The following TNFRSF11B variants were observed in gnomAD, a reference collection of about 807,000 sequenced individuals.
TNFRSF11B encodes the protein TNF receptor superfamily member 11b.
TNFRSF11B carries 16 observed loss-of-function variants against 43.4 expected under a neutral mutation model. That is an observed-to-expected ratio of 0.37 (90% confidence interval 0.25 to 0.56). TNFRSF11B has a LOEUF of 0.56. TNFRSF11B is among the 20% of genes least tolerant of loss of function. The pLI is 0.80. For synonymous variants in TNFRSF11B, 185 were observed against 181.8 expected (o/e 1.02, Z -0.14); for missense variants, 444 against 490.1 (o/e 0.91, Z 0.89).
intron 1 of TNFRSF11B, among the ~76,000 whole-genome samples, chr8:118,939,057 A>G (rs930884946): frequency 2.0e-5 from 3 of 152,142 alleles, no homozygotes; most frequent in African/African-American, 7.2e-5. Context: ...AGTTAGCTAA[A>G]CTTCTGGTCA....
At chr8:118,939,835 C>T (rs1037693297) in intron 1 of TNFRSF11B, among the ~76,000 whole-genome samples, 1 of 151,950 alleles carries the variant, frequency 6.6e-6, no homozygotes, top group African/African-American at 2.4e-5. Flanking sequence ...TGACATTACC[C>T]AAAGAAATTG....
Position 118,924,531 on chromosome 8 carries a change from T to C in TNFRSF11B, c.1049A>G (p.Lys350Arg), listed in dbSNP as rs761740481. 1.9e-6 allele frequency: 3 copies of C among 1,614,128 alleles called. No individual in the cohort carries two copies. The African/African-American group carries it at 4.0e-5, about 22-fold the overall frequency. Residue 350 changes from lysine (K) to arginine (R), a missense_variant, in exon 5 of 5, where the codon AAG becomes AGG. By Grantham distance (26) the Lys-to-Arg change is conservative. Coordinates refer to ENST00000297350, the MANE Select transcript of TNFRSF11B (RefSeq NM_002546.4). Reference protein sequence around the residue: ...DTLKGLMHALKHSKTYHFPKT... With the variant: ...DTLKGLMHALRHSKTYHFPKT... ...GGGAAAGTGGTACGTCTTTGAGTGC[T>C]TTAGTGCGTGCATTAGGCCCTTCAA...
chr8:118,942,407 C>T (rs2129915052), intron 1 of TNFRSF11B, among the ~76,000 whole-genome samples: 1 of 151,970 alleles, frequency 6.6e-6, no homozygotes, highest in Middle Eastern at 3.4e-3. Context: ...CAATATATGA[C>T]AATGGACAGC....
At position 118,924,449 on chromosome 8, in the gene TNFRSF11B, C is replaced by T; in HGVS notation, c.1131G>A (p.Met377Ile). The change falls in exon 5 of 5, where the codon ATG (methionine) becomes ATA (isoleucine). Residue 377 changes from methionine to isoleucine, a missense_variant. By Grantham distance (10) the Met-to-Ile change is conservative. Transcript: ENST00000297350. The stretch of plus-strand genomic sequence containing the variant: ...AAAATAACTTCTGATACAATTTGTA[C>T]ATTGTGAAGCTGTGAAGGAACCTGA... Reference protein sequence around the residue: ...KTIRFLHSFTMYKLYQKLFLE... With the variant: ...KTIRFLHSFTIYKLYQKLFLE... The T allele has an allele frequency of 6.2e-7, 1 of 1,613,992 alleles. No individual in the cohort carries two copies. Among genetic ancestry groups the T allele is most frequent in the Middle Eastern group, 1.6e-4 (1 of 6,062 alleles).
rs1812224193 is a variant in TNFRSF11B, at chr8:118,924,633, A to G, written c.947T>C (p.Ile316Thr). The G allele has an allele frequency of 6.2e-7, 1 of 1,613,842 alleles. No individual in the cohort carries two copies. Among genetic ancestry groups the G allele is most frequent in the South Asian group, 1.1e-5 (1 of 91,066 alleles). Residue 316 changes from isoleucine to threonine, a missense_variant, in exon 5 of 5, where the codon ATA becomes ACA. By Grantham distance (89) the Ile-to-Thr change is moderately conservative. Transcript: ENST00000297350. ...KVGAEDIEKT[I>T]KACKPSDQIL... Reference sequence around the variant, plus strand: ...CTGGTCACTGGGTTTGCATGCCTTTATTGTTTTTTCAATGTCTTCTGCTCC... The same window carrying G: ...CTGGTCACTGGGTTTGCATGCCTTTGTTGTTTTTTCAATGTCTTCTGCTCC...
At position 118,951,862 on chromosome 8, in the gene TNFRSF11B, G is replaced by T; in HGVS notation, c.-41C>A. 1 of 1,560,506 alleles carries T rather than the reference G, an allele frequency of 6.4e-7. No individual in the cohort carries two copies. Among genetic ancestry groups the T allele is most frequent in the East Asian group, 2.4e-5 (1 of 41,904 alleles). On this transcript the variant is annotated 5_prime_UTR_variant, in exon 1 of 5. Transcript: ENST00000297350. ...CCTCAGGGGCTTGGAGGCGGCGGCT[G>T]GGCGAGCGCTCCGGTGCGTCTCCGC...
chr8:118,924,257 A>G lies in TNFRSF11B; in HGVS notation c.*117T>C. On this transcript the variant is annotated 3_prime_UTR_variant, in exon 5 of 5. Transcript: ENST00000297350. ...TAGTTTCTTTTAGTACCCTGTGGCAAAATTAGTCACTGGTAATGAGAAAGA... is the reference window on the plus strand; with the variant it reads ...TAGTTTCTTTTAGTACCCTGTGGCAGAATTAGTCACTGGTAATGAGAAAGA... 1 of 1,258,286 alleles carries G rather than the reference A, an allele frequency of 7.9e-7. No individual in the cohort carries two copies. The highest frequency in any genetic ancestry group is 1.1e-6 in the Non-Finnish European group (1 of 870,840). The allele number at this position is 1,258,286 out of a possible 1,614,324, so 77.9% of individuals were successfully genotyped here.
rs1241966911 is a variant in TNFRSF11B at position 118,933,184 on chromosome 8, G to A, written c.147C>T (p.Tyr49=). ...ACTTTGCTGTACAGTGTTGTTTTAG[G>A]TAGGTACCAGGAGGACATTTGTCAC... ...LLCDKCPPGT[Y]LKQHCTAKWK... Residue 49 remains tyrosine (Y), a synonymous_variant, in exon 2 of 5, where the codon TAC becomes TAT. Transcript: ENST00000297350. 3 of 1,614,076 alleles carry A rather than the reference G, an allele frequency of 1.9e-6. No individual in the cohort carries two copies. The highest frequency in any genetic ancestry group is 1.1e-5 in the South Asian group (1 of 91,084).
intron 2 of TNFRSF11B, among the ~76,000 whole-genome samples, chr8:118,929,917 A>G (rs975181691): frequency 1.6e-4 from 24 of 152,206 alleles, no homozygotes; most frequent in Admixed American, 1.6e-3. Flanking sequence ...GAAACTTATT[A>G]AACTTCATTT....
chr8:118,935,571 C>T (rs1982762), intron 1 of TNFRSF11B, among the ~76,000 whole-genome samples: 61,811 of 151,650 alleles, frequency 0.41, 13,132 homozygotes, highest in African/African-American at 0.53. Flanking sequence ...ACTTTCAGGG[C>T]TTCTATAATT....
chr8:118,950,590 C>T (rs1262104311), intron 1 of TNFRSF11B, among the ~76,000 whole-genome samples: 1 of 152,176 alleles, frequency 6.6e-6, no homozygotes, highest in Non-Finnish European at 1.5e-5. Context: ...AGAAAAACTG[C>T]ATTAGGCACT....
At chr8:118,939,547 G>A (rs1222044568) in intron 1 of TNFRSF11B, among the ~76,000 whole-genome samples, 3 of 152,108 alleles carry the variant, frequency 2.0e-5, no homozygotes, top group South Asian at 2.1e-4. Context: ...TTGGGAGGGG[G>A]TGGTGCTAGG....
At chr8:118,943,110 T>C (rs1812511185) in intron 1 of TNFRSF11B, among the ~76,000 whole-genome samples, 1 of 152,168 alleles carries the variant, frequency 6.6e-6, no homozygotes, top group Non-Finnish European at 1.5e-5. Context: ...AGTTGTAATT[T>C]ATACTAAGCA....
intron 1 of TNFRSF11B, among the ~76,000 whole-genome samples, chr8:118,947,619 T>C (rs1812585114): frequency 6.6e-6 from 1 of 152,220 alleles, no homozygotes; most frequent in East Asian, 1.9e-4. Context: ...AAATCTATTA[T>C]CTGAGTCTAG....
Position 118,928,925 on chromosome 8 carries a change from G to C in TNFRSF11B, c.405C>G (p.Thr135=). The change falls in exon 3 of 5, where the codon ACC becomes ACG. Residue 135 remains threonine, a synonymous_variant. Coordinates refer to ENST00000297350, the MANE Select transcript of TNFRSF11B (RefSeq NM_002546.4). ...PPGFGVVQAG[T]PERNTVCKRC... ...TTTTGCAAACTGTATTTCGCTCTGG[G>C]GTTCCTACAGAAAATACCAAGCAAT... The C allele has an allele frequency of 1.2e-6, 2 of 1,614,054 alleles. No individual in the cohort carries two copies. Among genetic ancestry groups the C allele is most frequent in the Non-Finnish European group, 1.7e-6 (2 of 1,179,994 alleles).
At chr8:118,928,616 T>C (rs528740228) in intron 3 of TNFRSF11B, 122 bp downstream of exon 3, 1 of 1,110,104 alleles carries the variant, frequency 9.0e-7, no homozygotes, top group Admixed American at 1.7e-5. Context: ...CTTAGCTGGT[T>C]AAGATTCAAG....
intron 1 of TNFRSF11B, among the ~76,000 whole-genome samples, chr8:118,945,400 T>C (rs11573838): frequency 0.032 from 4,856 of 152,136 alleles, 142 homozygotes; most frequent in East Asian, 0.13. Context: ...TGTCACCCAT[T>C]GGAGCTCAGA....
In TNFRSF11B at chr8:118,933,191, C is replaced by G; in HGVS notation, c.140G>C (p.Gly47Ala). The change falls in exon 2 of 5, where the codon GGT (glycine) becomes GCT (alanine). Residue 47 changes from glycine (G) to alanine (A), a missense_variant. Transcript: ENST00000297350. Reference sequence around the variant, plus strand: ...TGTACAGTGTTGTTTTAGGTAGGTACCAGGAGGACATTTGTCACACAACAG... The same window carrying G: ...TGTACAGTGTTGTTTTAGGTAGGTAGCAGGAGGACATTTGTCACACAACAG... ...HQLLCDKCPP[G>A]TYLKQHCTAK... is the part of the protein sequence containing the mutation. 1 of 1,614,084 alleles carries G rather than the reference C, an allele frequency of 6.2e-7. No individual in the cohort carries two copies. Among genetic ancestry groups the G allele is most frequent in the Non-Finnish European group, 8.5e-7 (1 of 1,180,014 alleles).
At chr8:118,928,708 G>T in intron 3 of TNFRSF11B, 30 bp downstream of exon 3, 2 of 1,607,864 alleles carry the variant, frequency 1.2e-6, no homozygotes, top group Non-Finnish European at 8.5e-7. Flanking sequence ...CTACAAAATC[G>T]TACAAAGACG....
Sources: allele counts gnomAD v4.1 joint callset (sites outside exome capture counted in the v4.1 genomes callset), GRCh38; gene constraint gnomAD v4.1.1; transcripts MANE v1.5; gene names NCBI Gene and HGNC (gene_info 2026-07-23, HGNC 2026-07-21).